SLC35F4: variants seen among roughly 807,000 people sequenced by gnomAD.
SLC35F4 encodes the protein solute carrier family 35 member F4.
Under a neutral mutation model 44.2 loss-of-function variants are expected in SLC35F4, and 24 were observed. The ratio of observed to expected loss-of-function variants is 0.54; its 90% CI spans 0.39 to 0.76. SLC35F4 has a LOEUF of 0.76. SLC35F4 is among the 30% of genes least tolerant of loss of function. The pLI, the probability that SLC35F4 is intolerant of heterozygous loss-of-function variation, is 0.00. For missense variants in SLC35F4, 562 were observed against 586.1 expected (o/e 0.96, Z 0.42); for synonymous variants, 238 against 223.6 (o/e 1.06, Z -0.57).
intron 1 of SLC35F4, among the ~76,000 whole-genome samples, chr14:57,886,579 T>C (rs533156776): frequency 1.2e-4 from 18 of 152,292 alleles, no homozygotes; most frequent in African/African-American, 3.8e-4. Context: ...TATTTTTCCA[T>C]CATTCTCCTT....
chr14:57,569,468 T>C (rs1464120492), intron 6 of SLC35F4, among the ~76,000 whole-genome samples: 1 of 152,056 alleles, frequency 6.6e-6, no homozygotes, highest in African/African-American at 2.4e-5. Flanking sequence ...ATGGCACACA[T>C]GGAACATTAT....
At chr14:57,927,284 CAT>C (rs1319475736) in intron 1 of SLC35F4, among the ~76,000 whole-genome samples, 1 of 152,156 alleles carries the variant, frequency 6.6e-6, no homozygotes, top group East Asian at 1.9e-4. Context: ...GAAAGGGTGT[CAT>C]ATACACATTT....
chr14:57,577,453 C>A (rs1566633889), intron 4 of SLC35F4, among the ~76,000 whole-genome samples: 1 of 152,042 alleles, frequency 6.6e-6, no homozygotes. Context: ...CTGAACCATC[C>A]ACCAACCACC....
intron 1 of SLC35F4, among the ~76,000 whole-genome samples, chr14:57,653,396 G>A (rs985267013): frequency 2.0e-5 from 3 of 152,168 alleles, no homozygotes; most frequent in African/African-American, 7.2e-5. Flanking sequence ...CACTGCTAAA[G>A]AAGCAAGTGC....
At chr14:57,912,252 C>T (rs1889229404) in intron 1 of SLC35F4, among the ~76,000 whole-genome samples, 1 of 151,834 alleles carries the variant, frequency 6.6e-6, no homozygotes, top group Admixed American at 6.6e-5. Context: ...TTCAGTATCA[C>T]TAATTTCTGT....
At chr14:57,580,499 A>ATGC in intron 4 of SLC35F4, 1 of 386,332 alleles carries the variant, frequency 2.6e-6, no homozygotes, top group Admixed American at 3.7e-5. Flanking sequence ...GATTATATGA[A>ATGC]TGAGATCTGG....
At chr14:57,934,495 T>C (rs1053017226) in intron 1 of SLC35F4, among the ~76,000 whole-genome samples, 2 of 151,940 alleles carry the variant, frequency 1.3e-5, no homozygotes, top group Non-Finnish European at 2.9e-5. Context: ...CTGTAGTTCA[T>C]TGTCTCTGCA....
chr14:57,668,181 G>T (rs1249270177), intron 1 of SLC35F4, among the ~76,000 whole-genome samples: 1 of 151,014 alleles, frequency 6.6e-6, no homozygotes, highest in African/African-American at 2.4e-5. Context: ...TGATGGGGTT[G>T]TTTTTTTCTT....
intron 1 of SLC35F4, among the ~76,000 whole-genome samples, chr14:57,746,634 T>G (rs1212419668): frequency 6.6e-6 from 1 of 152,110 alleles, no homozygotes; most frequent in African/African-American, 2.4e-5. Flanking sequence ...TTAAAAAAAG[T>G]TTTTAAAAAT....
At chr14:57,874,641 T>C (rs947503414) in intron 1 of SLC35F4, among the ~76,000 whole-genome samples, 2 of 152,212 alleles carry the variant, frequency 1.3e-5, no homozygotes, top group Non-Finnish European at 2.9e-5. Flanking sequence ...ATCTTTCCCC[T>C]GACCCTGTGC....
chr14:57,759,352 A>T (rs936057866), intron 1 of SLC35F4, among the ~76,000 whole-genome samples: 1 of 151,980 alleles, frequency 6.6e-6, no homozygotes, highest in African/African-American at 2.4e-5. Flanking sequence ...GGGTGATGTG[A>T]GTGGATTGCT....
In SLC35F4 at chr14:57,581,336, G is replaced by T; in HGVS notation, c.685C>A (p.Leu229Ile). The change falls in exon 4 of 8, where the codon CTT (leucine) becomes ATT (isoleucine). Residue 229 changes from leucine (L) to isoleucine (I), a missense_variant. Coordinates refer to ENST00000556826, the MANE Select transcript of SLC35F4 (RefSeq NM_001306087.2). The stretch of plus-strand genomic sequence containing the variant: ...AGCTTCTTTAAAGCCAGTAAATAAA[G>T]GTAATTAGTCAAAGTCCATAGAATA... ...FSILWTLTNY[L>I]YLLALKKLTA... The T allele has an allele frequency of 6.2e-7, 1 of 1,613,520 alleles. No homozygotes were observed.
intron 1 of SLC35F4, among the ~76,000 whole-genome samples, chr14:57,692,564 G>A (rs528303710): frequency 6.6e-6 from 1 of 152,036 alleles, no homozygotes; most frequent in African/African-American, 2.4e-5. Context: ...TCTATTTCAA[G>A]AGATTCCCTG....
intron 1 of SLC35F4, among the ~76,000 whole-genome samples, chr14:57,684,341 C>T (rs1282836016): frequency 1.3e-5 from 2 of 152,100 alleles, no homozygotes; most frequent in Admixed American, 6.6e-5. Flanking sequence ...TTTTTGGCAC[C>T]GGGGACTGTT....
At chr14:57,803,036 A>T (rs963435778) in intron 1 of SLC35F4, among the ~76,000 whole-genome samples, 1 of 151,660 alleles carries the variant, frequency 6.6e-6, no homozygotes, top group African/African-American at 2.4e-5. Context: ...CTTGATGAAC[A>T]TCGATGCAAA....
At chr14:57,605,205 A>G (rs559985684) in intron 1 of SLC35F4, among the ~76,000 whole-genome samples, 3 of 152,356 alleles carry the variant, frequency 2.0e-5, no homozygotes, top group Admixed American at 6.5e-5. Flanking sequence ...TCCACAAACT[A>G]TGTATCTGAC....
intron 1 of SLC35F4, among the ~76,000 whole-genome samples, chr14:57,693,293 G>C (rs987878603): frequency 6.6e-6 from 1 of 152,128 alleles, no homozygotes; most frequent in African/African-American, 2.4e-5. Flanking sequence ...GTTGGTAATA[G>C]GCCCCCAAAA....
intron 1 of SLC35F4, among the ~76,000 whole-genome samples, chr14:57,657,269 T>C (rs527408227): frequency 6.6e-6 from 1 of 152,340 alleles, no homozygotes; most frequent in East Asian, 1.9e-4. Flanking sequence ...TTCAGTCCTT[T>C]TTTTTCTGGG....
At chr14:57,891,602 G>C (rs143696606) in intron 1 of SLC35F4, among the ~76,000 whole-genome samples, 264 of 152,222 alleles carry the variant, frequency 1.7e-3, no homozygotes, top group African/African-American at 6.1e-3. Context: ...CTTGGGCCAG[G>C]CAAGGTGGCT....
Sources: allele counts gnomAD v4.1 joint callset (sites outside exome capture counted in the v4.1 genomes callset), GRCh38; gene constraint gnomAD v4.1.1; transcripts MANE v1.5; gene names NCBI Gene and HGNC (gene_info 2026-07-23, HGNC 2026-07-21).